Variants in GRB14 observed in about 807,000 individuals in gnomAD.
GRB14 encodes the protein growth factor receptor-bound protein 14.
Under a neutral mutation model 69.1 loss-of-function variants are expected in GRB14, and 38 were observed. The observed-to-expected ratio is 0.55, with a 90% CI of 0.42 to 0.72. The LOEUF (loss-of-function observed/expected upper bound fraction) is 0.72. GRB14 is among the 30% of genes least tolerant of loss of function. The pLI is 0.00. For synonymous variants in GRB14, 247 were observed against 241.3 expected (o/e 1.02, Z -0.22); for missense variants, 666 against 666.1 (o/e 1.00, Z 0.00).
At chr2:164,544,432 A>G (rs1220375212) in intron 3 of GRB14, among the ~76,000 whole-genome samples, 1 of 152,206 alleles carries the variant, frequency 6.6e-6, no homozygotes, top group Non-Finnish European at 1.5e-5. Context: ...CCCCGAAAGA[A>G]AAATTTAAGA....
chr2:164,573,773 C>G (rs974348699), intron 2 of GRB14: 4 of 1,611,628 alleles, frequency 2.5e-6, no homozygotes, highest in African/African-American at 2.7e-5. Flanking sequence ...GACTTTCTGT[C>G]GCATCCACCA....
intron 2 of GRB14, among the ~76,000 whole-genome samples, chr2:164,614,505 G>T (rs1350647095): frequency 1.3e-5 from 2 of 152,168 alleles, no homozygotes; most frequent in African/African-American, 4.8e-5. Flanking sequence ...TGTTATTTAT[G>T]TTAGGGAATA....
At chr2:164,512,625 T>G (rs566585775) in intron 6 of GRB14, among the ~76,000 whole-genome samples, 1 of 152,090 alleles carries the variant, frequency 6.6e-6, no homozygotes, top group African/African-American at 2.4e-5. Flanking sequence ...CAAACATAGA[T>G]GGTAGCCAGG....
chr2:164,497,999 T>C (rs10497250), intron 9 of GRB14, among the ~76,000 whole-genome samples: 17,924 of 152,182 alleles, frequency 0.12, 1,161 homozygotes, highest in Middle Eastern at 0.15. Flanking sequence ...TAACTTAGAT[T>C]GACATATATC....
chr2:164,544,354 T>C (rs896946190), intron 3 of GRB14, among the ~76,000 whole-genome samples: 2 of 152,166 alleles, frequency 1.3e-5, no homozygotes, highest in African/African-American at 2.4e-5. Flanking sequence ...CAGATTTTTA[T>C]TACTGAACTG....
At chr2:164,547,140 T>C (rs923956545) in intron 3 of GRB14, among the ~76,000 whole-genome samples, 1 of 151,710 alleles carries the variant, frequency 6.6e-6, no homozygotes, top group African/African-American at 2.4e-5. Context: ...AATCCTTCAG[T>C]GCCAAGATAC....
chr2:164,567,909 G>T (rs991345708), intron 2 of GRB14, among the ~76,000 whole-genome samples: 2 of 152,036 alleles, frequency 1.3e-5, no homozygotes, highest in Non-Finnish European at 2.9e-5. Flanking sequence ...TGAAGAGATT[G>T]ATATATTATG....
rs1029724233 is a variant in GRB14 at position 164,493,316 on chromosome 2, C to T, written c.1477-134G>A. On this transcript the variant is annotated intron_variant, in intron 13 of 13. Coordinates refer to ENST00000263915, the MANE Select transcript of GRB14 (RefSeq NM_004490.3). ...CTAAAAGACAGTGAAAAGAATGTTA[C>T]GGCATATCTACTTGTTTTTTTTAAC... 30 of 709,222 alleles carry T rather than the reference C, an allele frequency of 4.2e-5. No homozygotes were observed. The Admixed American group carries it at 5.4e-4, about 13-fold the overall frequency. 43.9% of individuals were successfully genotyped at this position (709,222 alleles called of 1,614,324 possible).
chr2:164,525,069 G>A lies in GRB14; in HGVS notation c.613C>T (p.Pro205Ser). 1 of 1,574,680 alleles carries A rather than the reference G, an allele frequency of 6.4e-7. No individual in the cohort carries two copies. The highest frequency in any genetic ancestry group is 8.7e-7 in the Non-Finnish European group (1 of 1,152,886). ...EFFKNPMYFF[P>S]EHMVSFATET... ...GTTGCAAAAGATACCATATGCTCTGGAAAAAAATACTGTCAAAAAGACACA... is the reference window on the plus strand; with the variant it reads ...GTTGCAAAAGATACCATATGCTCTGAAAAAAAATACTGTCAAAAAGACACA... The change falls in exon 5 of 14, where the codon CCA (proline) becomes TCA (serine). Residue 205 changes from proline (P) to serine (S), a missense_variant. Physicochemically the swap from Pro to Ser is moderately conservative, Grantham distance 74. Coordinates refer to ENST00000263915, the MANE Select transcript of GRB14 (RefSeq NM_004490.3).
chr2:164,620,065 CTCCCACCA>C (rs1690413129), intron 1 of GRB14: 6 of 102,778 alleles, frequency 5.8e-5, no homozygotes, highest in Admixed American at 1.6e-4. Context: ...TCTCTCTCCC[CTCCCACCA>C]CCCCTCCCCC....
At chr2:164,527,479 G>C (rs1205869919) in intron 3 of GRB14, among the ~76,000 whole-genome samples, 1 of 151,572 alleles carries the variant, frequency 6.6e-6, no homozygotes, top group African/African-American at 2.4e-5. Context: ...TCTGCATTAA[G>C]TATATGGGAA....
chr2:164,531,655 C>G (rs768759251), intron 3 of GRB14, among the ~76,000 whole-genome samples: 2 of 152,074 alleles, frequency 1.3e-5, no homozygotes, highest in African/African-American at 2.4e-5. Flanking sequence ...AGAAAGGAGG[C>G]AGAGTTAAAG....
intron 4 of GRB14, among the ~76,000 whole-genome samples, chr2:164,525,532 T>C (rs1687748923): frequency 6.6e-6 from 1 of 152,030 alleles, no homozygotes; most frequent in Non-Finnish European, 1.5e-5. Context: ...GAGCTAAAAG[T>C]CCAGTTCTTT....
Position 164,497,198 on chromosome 2 carries a change from T to C in GRB14, c.1294+13A>G, listed in dbSNP as rs375912604. ...TCCGTCTACTCAGTGGCAATGACTA[T>C]GAACAGACATACCCATGTTTGTGGC... is the stretch of plus-strand genomic sequence containing the variant. On this transcript the variant is annotated intron_variant, in intron 11 of 13. Transcript: ENST00000263915. 12 of 1,610,762 alleles carry C rather than the reference T, an allele frequency of 7.4e-6. No individual in the cohort carries two copies. Among genetic ancestry groups the C allele is most frequent in the African/African-American group, 4.0e-5 (3 of 74,860 alleles).
At chr2:164,600,968 G>A (rs1186033112) in intron 2 of GRB14, among the ~76,000 whole-genome samples, 2 of 151,684 alleles carry the variant, frequency 1.3e-5, no homozygotes, top group Non-Finnish European at 2.9e-5. Flanking sequence ...AGTGACCTGG[G>A]TTCTTTCCAA....
chr2:164,525,315 A>C (rs1413366804), intron 4 of GRB14, among the ~76,000 whole-genome samples: 1 of 152,074 alleles, frequency 6.6e-6, no homozygotes, highest in East Asian at 1.9e-4. Flanking sequence ...GGATGGATTC[A>C]AGTATCTGGA....
At chr2:164,537,055 C>T (rs931396960) in intron 3 of GRB14, among the ~76,000 whole-genome samples, 3 of 152,126 alleles carry the variant, frequency 2.0e-5, no homozygotes, top group Non-Finnish European at 2.9e-5. Context: ...CAGCAGTTTG[C>T]GCCATGCAGT....
intron 2 of GRB14, among the ~76,000 whole-genome samples, chr2:164,573,136 G>A (rs942269682): frequency 6.6e-6 from 1 of 152,062 alleles, no homozygotes; most frequent in Non-Finnish European, 1.5e-5. Context: ...CTAATGCATT[G>A]TTTTGATAAC....
At chr2:164,525,135 A>G in intron 4 of GRB14, 57 bp from the exon 5 acceptor site, 1 of 1,137,868 alleles carries the variant, frequency 8.8e-7, no homozygotes, top group East Asian at 2.4e-5. Context: ...AGATTCAATT[A>G]TGACCAATAT....
Sources: allele counts gnomAD v4.1 joint callset (sites outside exome capture counted in the v4.1 genomes callset), GRCh38; gene constraint gnomAD v4.1.1; transcripts MANE v1.5; gene names NCBI Gene and HGNC (gene_info 2026-07-23, HGNC 2026-07-21).